MACROD2: variants seen among roughly 807,000 people sequenced by gnomAD.
The protein encoded by MACROD2 is ADP-ribose glycohydrolase MACROD2.
A neutral mutation model predicts 70.4 loss-of-function variants in MACROD2; 36 were observed. The observed-to-expected ratio is 0.51, with a 90% CI of 0.39 to 0.68. The LOEUF is 0.68. Among genes scored for constraint, MACROD2 ranks in the 30% least tolerant of loss-of-function variants. MACROD2 has a pLI of 0.00. For missense variants in MACROD2, 496 were observed against 538.4 expected (o/e 0.92, Z 0.78); for synonymous variants, 172 against 178.8 (o/e 0.96, Z 0.30).
intron 5 of MACROD2, among the ~76,000 whole-genome samples, chr20:15,112,950 C>CTGTGTGTGTGTGTGTG (rs11467446): frequency 0.088 from 12,896 of 145,810 alleles, 648 homozygotes; most frequent in Non-Finnish European, 0.14. Flanking sequence ...TAATATTTCA[C>CTGTGTGTGTGTGTGTG]TGTGTGTGTG....
In MACROD2 at chr20:15,024,912, A is replaced by G. The variant is rs192487530; in HGVS notation, c.419-205028A>G. On this transcript the variant is annotated intron_variant, in intron 5 of 17. Coordinates refer to ENST00000684519, the MANE Select transcript of MACROD2 (RefSeq NM_001351661.2). ...CTAAGGTACCAACCTCCTCATAAAT[A>G]GAATTTGTAGGGAGTTCTTATTTCC... Among the ~76,000 whole-genome samples the G allele has an allele frequency of 2.8e-4, 43 of 152,288 alleles. No homozygotes were observed. The East Asian group carries it at 8.3e-3, about 29-fold the overall frequency.
chr20:14,770,066 G>A (rs1185032359), intron 5 of MACROD2, among the ~76,000 whole-genome samples: 1 of 151,846 alleles, frequency 6.6e-6, no homozygotes, highest in African/African-American at 2.4e-5. Flanking sequence ...GTATGAATAT[G>A]TGATCTAATT....
At chr20:14,447,976 ATGTG>A (rs11087090) in intron 3 of MACROD2, among the ~76,000 whole-genome samples, 1,744 of 143,236 alleles carry the variant, frequency 0.012, 42 homozygotes, top group African/African-American at 0.042. Flanking sequence ...ACCCATGAAA[ATGTG>A]TGTGTGTGTG....
chr20:15,515,108 C>A (rs936445651), intron 8 of MACROD2, among the ~76,000 whole-genome samples: 1 of 152,286 alleles, frequency 6.6e-6, no homozygotes, highest in Admixed American at 6.5e-5. Flanking sequence ...TAGCACAATG[C>A]CAGGACCATA....
chr20:15,647,617 A>G (rs2049567808), intron 8 of MACROD2, among the ~76,000 whole-genome samples: 2 of 152,228 alleles, frequency 1.3e-5, no homozygotes, highest in South Asian at 4.1e-4. Flanking sequence ...CAGAGGAAAT[A>G]TAATTCTTGT....
intron 8 of MACROD2, among the ~76,000 whole-genome samples, chr20:15,618,022 C>G (rs1468104149): frequency 6.7e-6 from 1 of 148,572 alleles, no homozygotes; most frequent in Non-Finnish European, 1.5e-5. Flanking sequence ...GGGCACAGAT[C>G]GAGATGGGGG....
rs1432500321 is a variant in MACROD2, at chr20:15,858,589, G to A, written c.646-4156G>A. ...TATCAGATTTCTAGTTATGTATTTT[G>A]ATGGTTAGCTCATGAATTTGAAATC... On this transcript the variant is annotated intron_variant, in intron 8 of 17. Transcript: ENST00000684519. Among the ~76,000 whole-genome samples the A allele has an allele frequency of 2.0e-5, 3 of 152,328 alleles. No homozygotes were observed. In the East Asian group the frequency reaches 5.8e-4, roughly 29 times the overall value.
intron 4 of MACROD2, among the ~76,000 whole-genome samples, chr20:14,635,868 T>G (rs909074866): frequency 2.6e-5 from 4 of 152,154 alleles, no homozygotes; most frequent in Non-Finnish European, 4.4e-5. Flanking sequence ...GATAAAAATG[T>G]GAGGATGTGA....
At chr20:15,438,198 T>C (rs1185601919) in intron 7 of MACROD2, among the ~76,000 whole-genome samples, 4 of 152,034 alleles carry the variant, frequency 2.6e-5, no homozygotes, top group Admixed American at 1.3e-4. Flanking sequence ...ATATAACTAG[T>C]AATAGAATTG....
At chr20:15,027,127 G>T (rs2075237970) in intron 5 of MACROD2, among the ~76,000 whole-genome samples, 1 of 152,140 alleles carries the variant, frequency 6.6e-6, no homozygotes, top group South Asian at 2.1e-4. Context: ...GGGGGTAGGA[G>T]TGGGGGAACA....
intron 7 of MACROD2, among the ~76,000 whole-genome samples, chr20:15,440,205 G>T (rs1299523671): frequency 6.6e-6 from 1 of 152,038 alleles, no homozygotes. Context: ...TATTTTCCCT[G>T]GAAAAAAAGA....
intron 2 of MACROD2, among the ~76,000 whole-genome samples, chr20:14,020,428 G>A (rs537979839): frequency 3.3e-5 from 5 of 152,058 alleles, no homozygotes; most frequent in Admixed American, 6.5e-5. Flanking sequence ...AGCCGAGATC[G>A]CACCCTTGCA....
At chr20:16,027,400 C>A (rs1168624546) in intron 15 of MACROD2, among the ~76,000 whole-genome samples, 4 of 152,148 alleles carry the variant, frequency 2.6e-5, no homozygotes, top group South Asian at 2.1e-4. Flanking sequence ...ACAAACAGGA[C>A]AAGATATAGC....
chr20:15,300,290 T>G (rs1010520235), intron 6 of MACROD2, among the ~76,000 whole-genome samples: 2 of 152,222 alleles, frequency 1.3e-5, no homozygotes, highest in Non-Finnish European at 2.9e-5. Context: ...CAAACCATGA[T>G]TCCAAACTTA....
intron 5 of MACROD2, among the ~76,000 whole-genome samples, chr20:15,037,735 T>C (rs1381048518): frequency 6.6e-6 from 1 of 152,124 alleles, no homozygotes; most frequent in Non-Finnish European, 1.5e-5. Context: ...AATTTTAGTT[T>C]TACCATGTAT....
intron 8 of MACROD2, among the ~76,000 whole-genome samples, chr20:15,769,667 A>C (rs2051589278): frequency 6.6e-6 from 1 of 152,188 alleles, no homozygotes; most frequent in Non-Finnish European, 1.5e-5. Context: ...ATCTTATAGG[A>C]ATAACACTGA....
rs1344695031 is a variant in MACROD2, at chr20:13,995,961, A to G, written c.46+152A>G. 2 of 871,020 alleles carry G rather than the reference A, an allele frequency of 2.3e-6. No homozygotes were observed. The highest frequency in any genetic ancestry group is 2.7e-5 in the Admixed American group (1 of 37,578). 54.0% of individuals were successfully genotyped at this position (871,020 alleles called of 1,614,324 possible). A position where few individuals can be genotyped will look rare whatever the true frequency, so the allele number is the denominator to read the frequency against. ...CTCCCTCCGGTGTCCGTGTGTACAC[A>G]CGCGCACACTCGCGCGCACTCCGGC... On this transcript the variant is annotated intron_variant, in intron 1 of 17. Coordinates refer to ENST00000684519, the MANE Select transcript of MACROD2 (RefSeq NM_001351661.2). This position sits in a 1 kb window ranked among gnomAD's most constrained non-coding sequence, Gnocchi z 4.3.
intron 3 of MACROD2, among the ~76,000 whole-genome samples, chr20:14,308,614 T>C (rs1246926105): frequency 6.6e-6 from 1 of 152,158 alleles, no homozygotes. Context: ...ATCTTATACA[T>C]GCAGTATGTT....
At chr20:14,661,767 A>T (rs954613381) in intron 4 of MACROD2, among the ~76,000 whole-genome samples, 4 of 151,314 alleles carry the variant, frequency 2.6e-5, no homozygotes, top group Non-Finnish European at 4.4e-5. Flanking sequence ...TAATAAATGT[A>T]TGAATTTGAG....
Sources: allele counts gnomAD v4.1 joint callset (sites outside exome capture counted in the v4.1 genomes callset), GRCh38; gene constraint gnomAD v4.1.1; non-coding constraint Gnocchi (gnomAD v3.1); transcripts MANE v1.5; gene names NCBI Gene and HGNC (gene_info 2026-07-23, HGNC 2026-07-21).